The following PLPPR5 variants were observed in gnomAD, a reference collection of about 807,000 sequenced individuals.
PLPPR5 encodes phospholipid phosphatase-related protein type 5.
PLPPR5 carries 16 observed loss-of-function variants against 33.9 expected under a neutral mutation model. The ratio of observed to expected loss-of-function variants is 0.47; its 90% CI spans 0.32 to 0.72. The LOEUF (loss-of-function observed/expected upper bound fraction) is 0.72, where lower values mean the gene tolerates loss of function less well. PLPPR5 is among the 30% of genes least tolerant of loss of function. The pLI, the probability that PLPPR5 is intolerant of heterozygous loss-of-function variation, is 0.03. For missense variants in PLPPR5, 301 were observed against 406.7 expected (o/e 0.74, Z 2.23); for synonymous variants, 163 against 150.3 (o/e 1.08, Z -0.62).
In PLPPR5 at chr1:98,953,101, G is replaced by A; in HGVS notation, c.590C>T (p.Ala197Val). The change falls in exon 3 of 6, where the codon GCT becomes GTT. Residue 197 changes from alanine (A) to valine (V), a missense_variant. Ala to Val is a moderately conservative substitution (Grantham distance 64). Transcript: ENST00000263177. Reference sequence around the variant, plus strand: ...ATACATAGCTGCATAGACACTGAGAGCTGCTTCTTTGGATGGAAAGGTTTT... The same window carrying A: ...ATACATAGCTGCATAGACACTGAGAACTGCTTCTTTGGATGGAAAGGTTTT... ...ARKTFPSKEA[A>V]LSVYAAMYLT... 1.2e-6 allele frequency: 2 copies of A among 1,614,072 alleles called. No homozygotes were observed. Among genetic ancestry groups the A allele is most frequent in the Non-Finnish European group, 1.7e-6 (2 of 1,179,990 alleles).
intron 1 of PLPPR5, among the ~76,000 whole-genome samples, chr1:98,993,773 C>G (rs1257333298): frequency 6.6e-6 from 1 of 151,902 alleles, no homozygotes; most frequent in Non-Finnish European, 1.5e-5. Context: ...CTTCTATGAA[C>G]CCCAATGTGA....
At chr1:98,967,566 G>A (rs1044954945) in intron 1 of PLPPR5, among the ~76,000 whole-genome samples, 3 of 152,042 alleles carry the variant, frequency 2.0e-5, no homozygotes, top group Non-Finnish European at 4.4e-5. Context: ...CTGGCAGAAA[G>A]TTATCCAATC....
intron 3 of PLPPR5, among the ~76,000 whole-genome samples, chr1:98,922,781 C>T (rs949632959): frequency 6.6e-5 from 10 of 152,094 alleles, no homozygotes; most frequent in Non-Finnish European, 1.3e-4. Context: ...GTCAGGAGAT[C>T]GAGACCATCC....
intron 1 of PLPPR5, among the ~76,000 whole-genome samples, chr1:98,976,092 T>TAAAAAAA (rs34637022): frequency 2.7e-3 from 203 of 74,436 alleles, no homozygotes; most frequent in Non-Finnish European, 3.3e-3. Flanking sequence ...TACTAAAAAG[T>TAAAAAAA]AAAAAAAAAA....
At chr1:98,998,558 C>G (rs1181732346) in intron 1 of PLPPR5, among the ~76,000 whole-genome samples, 1 of 152,036 alleles carries the variant, frequency 6.6e-6, no homozygotes, top group African/African-American at 2.4e-5. Flanking sequence ...ACATTGAAAT[C>G]GAGGATAAAA....
intron 1 of PLPPR5, among the ~76,000 whole-genome samples, chr1:98,986,070 A>T (rs1296847957): frequency 6.6e-6 from 1 of 152,018 alleles, no homozygotes; most frequent in Non-Finnish European, 1.5e-5. Flanking sequence ...TGCACTTGTC[A>T]CCGTTTCAAA....
Position 98,932,688 on chromosome 1 carries a change from G to A in PLPPR5, c.622-10630C>T, listed in dbSNP as rs78655486. Among the ~76,000 whole-genome samples the A allele has an allele frequency of 1.8e-4, 28 of 152,226 alleles. No individual in the cohort carries two copies. The East Asian group carries it at 4.8e-3, about 26-fold the overall frequency. On this transcript the variant is annotated intron_variant, in intron 3 of 5. Coordinates refer to ENST00000263177, the MANE Select transcript of PLPPR5 (RefSeq NM_001037317.2). ...TTCTAAAATCTAATGTACTTAACAG[G>A]CTATGGTAAAAGAATCTCTACTTCC...
At chr1:99,000,316 TTGATAACATTAGAGTACTATACAC>T (rs1652785880) in intron 1 of PLPPR5, among the ~76,000 whole-genome samples, 1 of 152,186 alleles carries the variant, frequency 6.6e-6, no homozygotes, top group Admixed American at 6.5e-5. Context: ...ATTATGTACT[TTGATAACATTAGAGTACTATACAC>T]TGCTACCTAA....
intron 3 of PLPPR5, among the ~76,000 whole-genome samples, chr1:98,945,610 C>T (rs1271734846): frequency 6.6e-6 from 1 of 152,290 alleles, no homozygotes; most frequent in East Asian, 1.9e-4. Context: ...ACTAGCTTCT[C>T]ATAGTCTCAA....
chr1:98,963,521 G>C (rs1651321888), intron 1 of PLPPR5, among the ~76,000 whole-genome samples: 2 of 152,210 alleles, frequency 1.3e-5, no homozygotes, highest in African/African-American at 4.8e-5. Flanking sequence ...CCTCCAGAGA[G>C]AGACAGAGAG....
intron 5 of PLPPR5, among the ~76,000 whole-genome samples, chr1:98,906,181 GTGTA>G (rs1648890805): frequency 6.6e-6 from 1 of 150,698 alleles, no homozygotes; most frequent in Admixed American, 6.6e-5. Flanking sequence ...TATAGTGTGT[GTGTA>G]TATATATATA....
chr1:98,959,126 T>C (rs150692714), intron 1 of PLPPR5, among the ~76,000 whole-genome samples: 4,355 of 152,318 alleles, frequency 0.029, 96 homozygotes, highest in African/African-American at 0.061. Flanking sequence ...AACCAACTTC[T>C]GGCTTGTTCC....
At chr1:98,966,726 G>A (rs934159450) in intron 1 of PLPPR5, among the ~76,000 whole-genome samples, 3 of 152,240 alleles carry the variant, frequency 2.0e-5, no homozygotes, top group Middle Eastern at 3.4e-3. Flanking sequence ...CAGTCTTTAG[G>A]AGACCCCTGT....
intron 3 of PLPPR5, among the ~76,000 whole-genome samples, chr1:98,927,372 C>T (rs559891378): frequency 6.6e-6 from 1 of 152,222 alleles, no homozygotes; most frequent in African/African-American, 2.4e-5. Flanking sequence ...CTTCACTGGC[C>T]TCCACTGCCA....
At chr1:98,898,935 T>A (rs1322232002) in intron 5 of PLPPR5, among the ~76,000 whole-genome samples, 1 of 151,958 alleles carries the variant, frequency 6.6e-6, no homozygotes, top group Non-Finnish European at 1.5e-5. Flanking sequence ...GCAGGCCCAG[T>A]TTTTACGAGA....
intron 1 of PLPPR5, among the ~76,000 whole-genome samples, chr1:98,961,528 T>C (rs540802855): frequency 2.0e-5 from 3 of 152,226 alleles, no homozygotes; most frequent in Non-Finnish European, 4.4e-5. Context: ...AATAGCAATG[T>C]CGCTATTAAA....
chr1:99,004,629 A>T lies in PLPPR5; in HGVS notation c.43T>A (p.Phe15Ile). ...GTCCCTGCCATGATCACCATCTGGAAATAGAGCATGCTGCTGGTGAGCGCC... is the reference window on the plus strand; with the variant it reads ...GTCCCTGCCATGATCACCATCTGGATATAGAGCATGCTGCTGGTGAGCGCC... ...PAALTSSMLY[F>I]QMVIMAGTVM... The change falls in exon 1 of 6, where the codon TTC (phenylalanine) becomes ATC (isoleucine). Residue 15 changes from phenylalanine (F) to isoleucine (I), a missense_variant. Coordinates refer to ENST00000263177, the MANE Select transcript of PLPPR5 (RefSeq NM_001037317.2). 1 of 1,612,906 alleles carries T rather than the reference A, an allele frequency of 6.2e-7. No homozygotes were observed. The highest frequency in any genetic ancestry group is 8.5e-7 in the Non-Finnish European group (1 of 1,179,726).
At chr1:98,931,751 G>A (rs1349634608) in intron 3 of PLPPR5, among the ~76,000 whole-genome samples, 2 of 152,060 alleles carry the variant, frequency 1.3e-5, no homozygotes, top group African/African-American at 4.8e-5. Context: ...AGGTTAACGG[G>A]GGCCAGGTTC....
intron 3 of PLPPR5, among the ~76,000 whole-genome samples, chr1:98,925,621 CT>C (rs1208378021): frequency 6.6e-6 from 1 of 152,102 alleles, no homozygotes; most frequent in African/African-American, 2.4e-5. Context: ...AATATACATC[CT>C]TTTTTGTGTA....
Sources: gnomAD v4.1 joint callset for allele counts (sites outside exome capture counted in the v4.1 genomes callset) on GRCh38, gnomAD v4.1.1 for gene constraint, MANE v1.5 for transcripts, NCBI Gene and HGNC (gene_info 2026-07-23, HGNC 2026-07-21) for gene names.